Variants in ADAMTS2 observed in about 807,000 individuals in gnomAD.
ADAMTS2 encodes A disintegrin and metalloproteinase with thrombospondin motifs 2.
Under a neutral mutation model 123.0 loss-of-function variants are expected in ADAMTS2, and 50 were observed. The observed-to-expected ratio is 0.41, with a 90% CI of 0.32 to 0.51. The LOEUF is 0.51. Among genes scored for constraint, ADAMTS2 ranks in the 20% least tolerant of loss-of-function variants. The pLI, the probability that ADAMTS2 is intolerant of heterozygous loss-of-function variation, is 0.35. For synonymous variants in ADAMTS2, 678 were observed against 695.4 expected (o/e 0.98, Z 0.39); for missense variants, 1,494 against 1,705.2 (o/e 0.88, Z 2.18).
intron 3 of ADAMTS2, among the ~76,000 whole-genome samples, chr5:179,226,394 G>A (rs1208892396): frequency 6.0e-5 from 9 of 151,030 alleles, no homozygotes; most frequent in Non-Finnish European, 8.8e-5. Context: ...AGCCTTCCAA[G>A]CAGCTGGGAT....
chr5:179,206,931 G>A (rs1764711368), intron 4 of ADAMTS2, among the ~76,000 whole-genome samples: 1 of 152,148 alleles, frequency 6.6e-6, no homozygotes, highest in South Asian at 2.1e-4. Flanking sequence ...GACTCACAGG[G>A]AGAAAGGAAT....
intron 3 of ADAMTS2, among the ~76,000 whole-genome samples, chr5:179,230,281 T>C (rs1765378427): frequency 6.6e-6 from 1 of 152,120 alleles, no homozygotes; most frequent in African/African-American, 2.4e-5. Context: ...AATGTGGGAT[T>C]ACCAGAAAGT....
chr5:179,344,928 T>C (rs1011592817), intron 1 of ADAMTS2, among the ~76,000 whole-genome samples: 1 of 151,992 alleles, frequency 6.6e-6, no homozygotes, highest in Non-Finnish European at 1.5e-5. Context: ...CGCGGGGCTT[T>C]TCCCGGCCCT....
chr5:179,121,655 G>A lies in ADAMTS2; in HGVS notation c.3178+6C>T. 1 of 1,598,948 alleles carries A rather than the reference G, an allele frequency of 6.3e-7. No homozygotes were observed. Among genetic ancestry groups the A allele is most frequent in the African/African-American group, 1.3e-5 (1 of 74,602 alleles). On this transcript the variant is annotated splice_donor_region_variant and intron_variant, in intron 21 of 21. Transcript: ENST00000251582. Reference sequence around the variant, plus strand: ...GCAGAGGCAGAGTTATAAACGGGTCGGTTACTTGACGAGATCTTCCGGATG... The same window carrying A: ...GCAGAGGCAGAGTTATAAACGGGTCAGTTACTTGACGAGATCTTCCGGATG...
chr5:179,207,471 A>ACCCACCCCCCCCC, intron 4 of ADAMTS2, 42 bp downstream of exon 4: 1 of 1,026,474 alleles, frequency 9.7e-7, no homozygotes. Flanking sequence ...CCCCTGGTTG[A>ACCCACCCCCCCCC]CCCTCCCCGC....
At chr5:179,330,132 C>CAA (rs58696442) in intron 2 of ADAMTS2, among the ~76,000 whole-genome samples, 9,157 of 96,558 alleles carry the variant, frequency 0.095, 528 homozygotes, top group East Asian at 0.13. Flanking sequence ...GACTCCGTCT[C>CAA]AAAAAAAAAA....
At chr5:179,136,112 C>T in intron 12 of ADAMTS2, 70 bp from the exon 13 acceptor site, 9 of 1,611,870 alleles carry the variant, frequency 5.6e-6, no homozygotes, top group South Asian at 5.5e-5. Flanking sequence ...AAAGGAGGCA[C>T]CAAGCAGGAG....
rs1017461113 is a variant in ADAMTS2 at position 179,216,578 on chromosome 5, C to T, written c.689-8863G>A. Among the ~76,000 whole-genome samples, 6 of 152,338 alleles carry T rather than the reference C, an allele frequency of 3.9e-5. No individual in the cohort carries two copies. The East Asian group carries it at 9.7e-4, about 25-fold the overall frequency. The stretch of plus-strand genomic sequence containing the variant: ...GACTGTGCTGAGCCCAAGACTTCCT[C>T]GAGACCTTGCTCACGACTTCCCCAG... On this transcript the variant is annotated intron_variant, in intron 3 of 21. Coordinates refer to ENST00000251582, the MANE Select transcript of ADAMTS2 (RefSeq NM_014244.5).
At chr5:179,280,294 C>G (rs577933853) in intron 2 of ADAMTS2, among the ~76,000 whole-genome samples, 2 of 152,296 alleles carry the variant, frequency 1.3e-5, no homozygotes, top group South Asian at 4.1e-4. Flanking sequence ...CTTTGAAGGG[C>G]AGGGTGGGGG....
chr5:179,284,337 A>G (rs536644306), intron 2 of ADAMTS2, among the ~76,000 whole-genome samples: 1 of 152,202 alleles, frequency 6.6e-6, no homozygotes, highest in South Asian at 2.1e-4. Flanking sequence ...TCAAAAACAA[A>G]CAAACAAACA....
rs1554128903 is a variant in ADAMTS2, at chr5:179,189,510, G to GC, written c.892-8356_892-8355insG. The stretch of plus-strand genomic sequence containing the variant: ...CTACAGGCGCCCGCCAGTGCGCCTG[G>GC]TTTTTTTTTTTTTTTTTTTTTTTTT... On this transcript the variant is annotated intron_variant, in intron 4 of 21. Coordinates refer to ENST00000251582, the MANE Select transcript of ADAMTS2 (RefSeq NM_014244.5). The surrounding 1 kb of genome is among the most constrained non-coding windows in gnomAD (Gnocchi z 4.2). Among the ~76,000 whole-genome samples the GC allele has an allele frequency of 0.31, 24,544 of 79,224 alleles. 6,610 individuals are homozygous for GC. Among genetic ancestry groups the GC allele is most frequent in the East Asian group, 0.51 (1,362 of 2,680 alleles). 52.0% of individuals were successfully genotyped at this position (79,224 alleles called of 152,430 possible).
chr5:179,249,905 T>G (rs1765880724), intron 3 of ADAMTS2, among the ~76,000 whole-genome samples: 1 of 152,304 alleles, frequency 6.6e-6, no homozygotes, highest in Non-Finnish European at 1.5e-5. Context: ...AACTACAGAC[T>G]AATGTCTCTT....
rs1764602243 is a variant in ADAMTS2, at chr5:179,202,950, C to T, written c.891+4563G>A. 6.6e-6 allele frequency among the ~76,000 whole-genome samples: 1 copy of T among 152,200 alleles called. No homozygotes were observed. Among genetic ancestry groups the T allele is most frequent in the Non-Finnish European group, 1.5e-5 (1 of 68,030 alleles). On this transcript the variant is annotated intron_variant, in intron 4 of 21. Coordinates refer to ENST00000251582, the MANE Select transcript of ADAMTS2 (RefSeq NM_014244.5). This position sits in a 1 kb window ranked among gnomAD's most constrained non-coding sequence, Gnocchi z 4.0. ...AGCTCCACACCAGCTACAAGGGAGACTGGGGAGGGGAGCACAGGGGTGATC... is the reference window on the plus strand; with the variant it reads ...AGCTCCACACCAGCTACAAGGGAGATTGGGGAGGGGAGCACAGGGGTGATC...
intron 3 of ADAMTS2, among the ~76,000 whole-genome samples, chr5:179,230,507 T>C (rs1166033553): frequency 1.4e-5 from 2 of 143,592 alleles, no homozygotes; most frequent in African/African-American, 2.5e-5. Flanking sequence ...CCGGGAGGGC[T>C]GTGCACACAG....
At position 179,118,156 on chromosome 5, in the gene ADAMTS2, G is replaced by A. The variant is rs80161394; in HGVS notation, c.3178+3505C>T. ...TAAAAAAATAAAAATACGTCAATGA[G>A]TAAATACAAAATTGAAATAAAATCC... is the stretch of plus-strand genomic sequence containing the variant. On this transcript the variant is annotated intron_variant, in intron 21 of 21. Coordinates refer to ENST00000251582, the MANE Select transcript of ADAMTS2 (RefSeq NM_014244.5). This position sits in a 1 kb window ranked among gnomAD's most constrained non-coding sequence, Gnocchi z 4.5. Among the ~76,000 whole-genome samples, 1,264 of 152,262 alleles carry A rather than the reference G, an allele frequency of 8.3e-3. 14 individuals are homozygous for A. Among genetic ancestry groups the A allele is most frequent in the African/African-American group, 0.029 (1,205 of 41,536 alleles).
At chr5:179,203,679 C>T (rs1200721544) in intron 4 of ADAMTS2, among the ~76,000 whole-genome samples, 1 of 152,082 alleles carries the variant, frequency 6.6e-6, no homozygotes, top group African/African-American at 2.4e-5. Flanking sequence ...AAGTACTCTT[C>T]GGGGTGGCTA....
intron 12 of ADAMTS2, among the ~76,000 whole-genome samples, chr5:179,136,977 A>G (rs1044669755): frequency 6.6e-6 from 1 of 152,126 alleles, no homozygotes; most frequent in Admixed American, 6.6e-5. Context: ...CTCAAAAAAA[A>G]AAAAAGTAAA....
At chr5:179,296,143 CAGG>C (rs1756323927) in intron 2 of ADAMTS2, among the ~76,000 whole-genome samples, 1 of 149,540 alleles carries the variant, frequency 6.7e-6, no homozygotes, top group Non-Finnish European at 1.5e-5. Flanking sequence ...GCCGTGGGGA[CAGG>C]AGAATGACCA....
chr5:179,295,886 G>A (rs1268307325), intron 2 of ADAMTS2, among the ~76,000 whole-genome samples: 1 of 152,228 alleles, frequency 6.6e-6, no homozygotes, highest in East Asian at 1.9e-4. Flanking sequence ...TGTGCTGGGA[G>A]CAAGGGAGGC....
Sources: gnomAD v4.1 joint callset for allele counts (sites outside exome capture counted in the v4.1 genomes callset) on GRCh38, gnomAD v4.1.1 for gene constraint, Gnocchi (gnomAD v3.1) non-coding constraint, MANE v1.5 for transcripts, NCBI Gene and HGNC (gene_info 2026-07-23, HGNC 2026-07-21) for gene names.